Variants in MTNR1A observed in about 807,000 individuals in gnomAD.
MTNR1A encodes the protein melatonin receptor type 1A.
MTNR1A carries 7 observed loss-of-function variants against 5.5 expected under a neutral mutation model. The ratio of observed to expected loss-of-function variants is 1.28; its 90% CI spans 0.73 to 2.40. The LOEUF is 2.40. MTNR1A is among the 30% of genes most tolerant of loss of function. The probability of loss-of-function intolerance (pLI) is 0.00; values close to 1 mark genes in which losing one functional copy is unlikely to be tolerated. For synonymous variants in MTNR1A, 196 were observed against 202.7 expected (o/e 0.97, Z 0.28); for missense variants, 441 against 464.4 (o/e 0.95, Z 0.46).
chr4:186,554,182 G>A (rs1258464678), intron 1 of MTNR1A, among the ~76,000 whole-genome samples: 1 of 150,202 alleles, frequency 6.7e-6, no homozygotes, highest in African/African-American at 2.4e-5. Flanking sequence ...ATATTACTAA[G>A]TGCTTAACTA....
At chr4:186,551,478 G>A (rs750576992) in intron 1 of MTNR1A, among the ~76,000 whole-genome samples, 14 of 151,888 alleles carry the variant, frequency 9.2e-5, no homozygotes, top group South Asian at 2.1e-4. Flanking sequence ...CACCAGATGC[G>A]TACTAGCATT....
rs745530498 is a variant in MTNR1A, at chr4:186,555,335, C to T, written c.31G>A (p.Ala11Thr). The change falls in exon 1 of 2, where the codon GCC becomes ACC. Residue 11 changes from alanine to threonine, a missense_variant. Physicochemically the swap from Ala to Thr is moderately conservative, Grantham distance 58 (BLOSUM62 0). Coordinates refer to ENST00000307161, the MANE Select transcript of MTNR1A (RefSeq NM_005958.4). The surrounding 1 kb of genome is among the most constrained non-coding windows in gnomAD (Gnocchi z 4.1). ...TCCCCGCGGAGCACGGGCTGGGAGGCGTTGGGCAGCGCGCTGCCGTTGCCC... is the reference window on the plus strand; with the variant it reads ...TCCCCGCGGAGCACGGGCTGGGAGGTGTTGGGCAGCGCGCTGCCGTTGCCC... MQGNGSALPN[A>T]SQPVLRGDGA... is the part of the protein sequence containing the mutation. 1.3e-6 allele frequency: 2 copies of T among 1,543,270 alleles called. No homozygotes were observed. Among genetic ancestry groups the T allele is most frequent in the Non-Finnish European group, 1.7e-6 (2 of 1,144,002 alleles).
intron 1 of MTNR1A, among the ~76,000 whole-genome samples, chr4:186,544,359 G>A (rs576745166): frequency 6.6e-6 from 1 of 152,310 alleles, no homozygotes; most frequent in South Asian, 2.1e-4. Flanking sequence ...TGCTAGATAT[G>A]CCGTTATTAA....
chr4:186,538,680 G>A (rs575295529), intron 1 of MTNR1A, among the ~76,000 whole-genome samples: 12 of 152,198 alleles, frequency 7.9e-5, no homozygotes, highest in East Asian at 3.9e-4. Context: ...CCTCAAATAC[G>A]CTATTTAATC....
Position 186,534,471 on chromosome 4 carries a change from T to A in MTNR1A, c.271A>T (p.Asn91Tyr), listed in dbSNP as rs763248533. 34 of 1,614,004 alleles carry A rather than the reference T, an allele frequency of 2.1e-5. No homozygotes were observed. In the East Asian group the frequency reaches 7.6e-4, roughly 36 times the overall value. Residue 91 changes from asparagine (N) to tyrosine (Y), a missense_variant, in exon 2 of 2, where the codon AAC becomes TAC. Coordinates refer to ENST00000307161, the MANE Select transcript of MTNR1A (RefSeq NM_005958.4). ...YPLVLMSIFN[N>Y]GWNLGYLHCQ... ...TGCAGATAGCCCAGGTTCCACCCGT[T>A]GTTAAATATCGACATCAGCACCAAC...
In MTNR1A at chr4:186,555,161, G is replaced by A. The variant is rs999019702; in HGVS notation, c.184+21C>T. On this transcript the variant is annotated intron_variant, in intron 1 of 1. Transcript: ENST00000307161. The surrounding 1 kb of genome is among the most constrained non-coding windows in gnomAD (Gnocchi z 4.1). The stretch of plus-strand genomic sequence containing the variant: ...CGCTGCGTCCGGAGCGCTGGCCCAG[G>A]GGAGGCGGCGCGGGCCCTACCTGCG... 1 of 1,583,630 alleles carries A rather than the reference G, an allele frequency of 6.3e-7. No homozygotes were observed. Among genetic ancestry groups the A allele is most frequent in the African/African-American group, 1.3e-5 (1 of 74,524 alleles).
intron 1 of MTNR1A, among the ~76,000 whole-genome samples, chr4:186,537,968 A>G (rs1302308993): frequency 6.6e-6 from 1 of 152,238 alleles, no homozygotes; most frequent in Non-Finnish European, 1.5e-5. Flanking sequence ...CACAGTCAAT[A>G]TTTGTTCCCA....
At chr4:186,542,058 A>G (rs779332434) in intron 1 of MTNR1A, among the ~76,000 whole-genome samples, 1 of 152,214 alleles carries the variant, frequency 6.6e-6, no homozygotes, top group Non-Finnish European at 1.5e-5. Context: ...TCATGGCAGC[A>G]AGGATAGAAG....
intron 1 of MTNR1A, among the ~76,000 whole-genome samples, chr4:186,551,952 T>C (rs1737274455): frequency 6.6e-6 from 1 of 152,070 alleles, no homozygotes; most frequent in South Asian, 2.1e-4. Context: ...ACAGATTAAA[T>C]AATAATAATA....
rs750917625 is a variant in MTNR1A, at chr4:186,533,903, C to T, written c.839G>A (p.Ser280Asn). ...GCTGTTGAAATACGCCATGTAGTAA[C>T]TGGCCACAAACAGCCACTCTGGGAT... The part of the protein sequence containing the change: ...PRIPEWLFVA[S>N]YYMAYFNSCL... The change falls in exon 2 of 2, where the codon AGT (serine) becomes AAT (asparagine). Residue 280 changes from serine to asparagine, a missense_variant. Ser to Asn is a conservative substitution (Grantham distance 46, BLOSUM62 1). Transcript: ENST00000307161. 1 of 1,614,188 alleles carries T rather than the reference C, an allele frequency of 6.2e-7. No homozygotes were observed. Among genetic ancestry groups the T allele is most frequent in the Non-Finnish European group, 8.5e-7 (1 of 1,180,048 alleles).
chr4:186,542,597 T>C lies in MTNR1A; in HGVS notation c.185-8040A>G, dbSNP rs1409090600. On this transcript the variant is annotated intron_variant, in intron 1 of 1. Coordinates refer to ENST00000307161, the MANE Select transcript of MTNR1A (RefSeq NM_005958.4). ...GATCCCTATCATGTGGCACCTGCTC[T>C]AAATCAGTGATTAACATAGAATGTT... Among the ~76,000 whole-genome samples the C allele has an allele frequency of 2.0e-5, 3 of 152,298 alleles. No homozygotes were observed. In the East Asian group the frequency reaches 5.8e-4, roughly 29 times the overall value.
chr4:186,538,901 C>T (rs1458674165), intron 1 of MTNR1A, among the ~76,000 whole-genome samples: 1 of 152,084 alleles, frequency 6.6e-6, no homozygotes, highest in Non-Finnish European at 1.5e-5. Flanking sequence ...GTAGTCACGG[C>T]CTGCAGGGGC....
chr4:186,550,403 T>C (rs1047202815), intron 1 of MTNR1A, among the ~76,000 whole-genome samples: 6 of 152,172 alleles, frequency 3.9e-5, no homozygotes, highest in Admixed American at 2.0e-4. Flanking sequence ...CTTACAAATA[T>C]GTAGAAAAAA....
chr4:186,551,523 ATAGATAGGTGGG>A (rs1308983613), intron 1 of MTNR1A, among the ~76,000 whole-genome samples: 1 of 152,010 alleles, frequency 6.6e-6, no homozygotes, highest in African/African-American at 2.4e-5. Flanking sequence ...CCTCATAATG[ATAGATAGGTGGG>A]TAGGTAGGTG....
At chr4:186,546,435 A>G (rs1392263072) in intron 1 of MTNR1A, among the ~76,000 whole-genome samples, 1 of 151,946 alleles carries the variant, frequency 6.6e-6, no homozygotes, top group Non-Finnish European at 1.5e-5. Flanking sequence ...AGGCTTCAAT[A>G]GCCCTGCAGT....
chr4:186,551,649 G>C (rs1217239193), intron 1 of MTNR1A, among the ~76,000 whole-genome samples: 1 of 152,016 alleles, frequency 6.6e-6, no homozygotes, highest in African/African-American at 2.4e-5. Flanking sequence ...TGGACTGATA[G>C]GCAGAATCTA....
rs376144706 is a variant in MTNR1A at position 186,533,757 on chromosome 4, C to G, written c.985G>C (p.Asp329His). Reference sequence around the variant, plus strand: ...GGAGACGGTTTCCATTTAACCCTATCGGCCACGTCGTTAGAGCTGTCCACA... The same window carrying G: ...GGAGACGGTTTCCATTTAACCCTATGGGCCACGTCGTTAGAGCTGTCCACA... ...FFVDSSNDVA[D>H]RVKWKPSPLM... The change falls in exon 2 of 2, where the codon GAT (aspartate) becomes CAT (histidine). Residue 329 changes from aspartate to histidine, a missense_variant. Coordinates refer to ENST00000307161, the MANE Select transcript of MTNR1A (RefSeq NM_005958.4). 1 of 1,614,206 alleles carries G rather than the reference C, an allele frequency of 6.2e-7. No homozygotes were observed. Among genetic ancestry groups the G allele is most frequent in the Non-Finnish European group, 8.5e-7 (1 of 1,180,040 alleles).
chr4:186,547,119 G>GTCC lies in MTNR1A; in HGVS notation c.184+8060_184+8062dup, dbSNP rs756647907. On this transcript the variant is annotated intron_variant, in intron 1 of 1. Coordinates refer to ENST00000307161, the MANE Select transcript of MTNR1A (RefSeq NM_005958.4). ...TCACACCCTGTTCCTGGGACACACC[G>GTCC]TCCTCACACCCTGTTCCTGGGACAC... Among the ~76,000 whole-genome samples, 104 of 14,370 alleles carry GTCC rather than the reference G, an allele frequency of 7.2e-3. 1 individual carries two copies. The highest frequency in any genetic ancestry group is 0.056 in the Middle Eastern group (1 of 18). The allele number at this position is 14,370 out of a possible 152,430, so 9.4% of individuals were successfully genotyped here.
Position 186,533,819 on chromosome 4 carries a change from C to A in MTNR1A, c.923G>T (p.Arg308Ile). The change falls in exon 2 of 2, where the codon AGA becomes ATA. Residue 308 changes from arginine to isoleucine, a missense_variant. Transcript: ENST00000307161. ...GGCTGTACAGAGCGAGACTATAATT[C>A]TCCTGTATTCCTTCCTGAAATTTTG... ...LNQNFRKEYR[R>I]IIVSLCTARV... 2 of 1,614,164 alleles carry A rather than the reference C, an allele frequency of 1.2e-6. No individual in the cohort carries two copies. Among genetic ancestry groups the A allele is most frequent in the Non-Finnish European group, 1.7e-6 (2 of 1,180,038 alleles).
Sources: gnomAD v4.1 joint callset for allele counts (sites outside exome capture counted in the v4.1 genomes callset) on GRCh38, gnomAD v4.1.1 for gene constraint, Gnocchi (gnomAD v3.1) non-coding constraint, MANE v1.5 for transcripts, NCBI Gene and HGNC (gene_info 2026-07-23, HGNC 2026-07-21) for gene names.